ASIC2: variants seen among roughly 807,000 people sequenced by gnomAD.
The protein encoded by ASIC2 is acid sensing ion channel subunit 2, also known as acid-sensing ion channel 2.
A neutral mutation model predicts 57.3 loss-of-function variants in ASIC2; 25 were observed. The ratio of observed to expected loss-of-function variants is 0.44; its 90% CI spans 0.32 to 0.61. The LOEUF is 0.61. Among genes scored for constraint, ASIC2 ranks in the 20% least tolerant of loss-of-function variants. The probability of loss-of-function intolerance (pLI) is 0.06; values close to 1 mark genes in which losing one functional copy is unlikely to be tolerated. For synonymous variants in ASIC2, 319 were observed against 307.5 expected, an observed-to-expected ratio of 1.04 and a Z score of -0.39; for missense variants, 641 against 738.1, an observed-to-expected ratio of 0.87 and a Z score of 1.52.
In ASIC2 at chr17:33,128,208, A is replaced by G. The variant is rs1017064522; in HGVS notation, c.709-16141T>C. ...TTGCCAGCACCCTGTGCTCCCCTCC[A>G]TCCTGTCACACTGGACAGTCTGCTC... On this transcript the variant is annotated intron_variant, in intron 1 of 9. Coordinates refer to ENST00000225823, the MANE Select transcript of ASIC2 (RefSeq NM_183377.2). Among the ~76,000 whole-genome samples the G allele has an allele frequency of 3.9e-5, 6 of 152,116 alleles. No homozygotes were observed. In the East Asian group the frequency reaches 5.8e-4, roughly 15 times the overall value.
Position 33,291,423 on chromosome 17 carries a change from C to A in ASIC2, c.693G>T (p.Pro231=), listed in dbSNP as rs745476399. 6.3e-6 allele frequency: 10 copies of A among 1,599,986 alleles called. No individual in the cohort carries two copies. The highest frequency in any genetic ancestry group is 3.4e-6 in the Non-Finnish European group (4 of 1,172,958). ...SCKYRGELCG[P]HNFSSVFTKY... ...GGCAACTCACGGAGGAGAAGTTGTG[C>A]GGCCCGCAGAGCTCGCCGCGGTACT... Residue 231 remains proline (P), a synonymous_variant, in exon 1 of 10, where the codon CCG becomes CCT. Coordinates refer to ENST00000225823, the MANE Select transcript of ASIC2 (RefSeq NM_183377.2).
chr17:33,221,098 G>T (rs1274773073), intron 1 of ASIC2, among the ~76,000 whole-genome samples: 1 of 151,956 alleles, frequency 6.6e-6, no homozygotes, highest in African/African-American at 2.4e-5. Flanking sequence ...GTAAAATAAA[G>T]AATGCCAGGT....
intron 1 of ASIC2, among the ~76,000 whole-genome samples, chr17:33,950,553 A>C (rs1904526590): frequency 6.6e-6 from 1 of 152,202 alleles, no homozygotes; most frequent in African/African-American, 2.4e-5. Context: ...ATGGGGCAGC[A>C]ATGAGTGGGG....
intron 1 of ASIC2, among the ~76,000 whole-genome samples, chr17:34,066,283 C>T (rs1219064936): frequency 6.6e-6 from 1 of 152,178 alleles, no homozygotes; most frequent in South Asian, 2.1e-4. Flanking sequence ...TTAATTAAGT[C>T]GTTCATCTCT....
intron 1 of ASIC2, among the ~76,000 whole-genome samples, chr17:33,156,401 G>A (rs988895132): frequency 2.6e-5 from 4 of 151,922 alleles, no homozygotes; most frequent in African/African-American, 9.7e-5. Context: ...GCTAGGATTA[G>A]GCATGAGTCA....
chr17:34,116,065 G>A (rs1242455343), intron 1 of ASIC2, among the ~76,000 whole-genome samples: 1 of 152,184 alleles, frequency 6.6e-6, no homozygotes, highest in African/African-American at 2.4e-5. Flanking sequence ...CTTGGTGTGA[G>A]AGAGTGTTGA....
chr17:33,354,713 C>T (rs879765620), intron 1 of ASIC2, among the ~76,000 whole-genome samples: 3 of 152,144 alleles, frequency 2.0e-5, no homozygotes, highest in African/African-American at 2.4e-5. Flanking sequence ...CCAGTCTCAA[C>T]TCAACATCAC....
rs1239386126 is a variant in ASIC2, at chr17:33,292,479, C to T, written c.-364G>A. ...CTCCAGTCCCTGGGTGCTGCGCCCG[C>T]CTTCCCTCGTCCTGGACCTCGGGGG... On this transcript the variant is annotated 5_prime_UTR_variant, in exon 1 of 10. Transcript: ENST00000225823. The T allele has an allele frequency of 5.1e-6, 5 of 985,588 alleles. No homozygotes were observed. The highest frequency in any genetic ancestry group is 9.4e-5 in the South Asian group (2 of 21,296). The allele number at this position is 985,588 out of a possible 1,614,324, so 61.1% of individuals were successfully genotyped here. A position where few individuals can be genotyped will look rare whatever the true frequency, so the allele number is the denominator to read the frequency against.
intron 1 of ASIC2, among the ~76,000 whole-genome samples, chr17:33,150,501 T>A (rs994423966): frequency 5.9e-5 from 9 of 152,324 alleles, no homozygotes; most frequent in African/African-American, 2.2e-4. Flanking sequence ...CTACTAATAA[T>A]CACTTATTCC....
Position 33,358,669 on chromosome 17 carries a change from C to A in ASIC2, c.556-246602G>T, listed in dbSNP as rs554229744. On this transcript the variant is annotated intron_variant, in intron 1 of 9. Coordinates refer to the ASIC2 transcript ENST00000359872. The stretch of plus-strand genomic sequence containing the variant: ...ATCTCTAATTACTGTATAAGAATGT[C>A]ACATGTTATTTCACAGGGACTTTTG... Among the ~76,000 whole-genome samples the A allele has an allele frequency of 9.9e-5, 15 of 152,262 alleles. No homozygotes were observed. In the South Asian group the frequency reaches 2.7e-3, roughly 27 times the overall value.
intron 1 of ASIC2, among the ~76,000 whole-genome samples, chr17:33,489,364 G>C (rs890606893): frequency 6.6e-6 from 1 of 152,216 alleles, no homozygotes; most frequent in Non-Finnish European, 1.5e-5. Context: ...AAGTGAAGGG[G>C]TATGTCCATA....
chr17:33,664,456 A>G (rs1484822358), intron 1 of ASIC2, among the ~76,000 whole-genome samples: 1 of 152,232 alleles, frequency 6.6e-6, no homozygotes. Flanking sequence ...TAGTTTCCAA[A>G]GTGGAGTATA....
chr17:34,002,459 A>T (rs1222191436), intron 1 of ASIC2: 1 of 152,304 alleles, frequency 6.6e-6, no homozygotes, highest in Non-Finnish European at 1.5e-5. Context: ...TTTCCTCAGC[A>T]ACATCAACAG....
At chr17:34,099,738 GA>G (rs1244079046) in intron 1 of ASIC2, among the ~76,000 whole-genome samples, 40 of 506 alleles carry the variant, frequency 0.079, no homozygotes, top group Admixed American at 0.33. Context: ...AAGAAGGAAA[GA>G]AAGAAAGAAA....
chr17:33,237,402 G>A (rs1453676552), intron 1 of ASIC2, among the ~76,000 whole-genome samples: 1 of 151,704 alleles, frequency 6.6e-6, no homozygotes, highest in Non-Finnish European at 1.5e-5. Flanking sequence ...CCAGGCTGGA[G>A]TGCAATGGCA....
At chr17:33,468,601 T>C (rs1431185852) in intron 1 of ASIC2, among the ~76,000 whole-genome samples, 1 of 152,052 alleles carries the variant, frequency 6.6e-6, no homozygotes, top group African/African-American at 2.4e-5. Context: ...GATGTAACTC[T>C]TCACATATTA....
chr17:33,407,742 T>C (rs1218530556), intron 1 of ASIC2, among the ~76,000 whole-genome samples: 1 of 152,214 alleles, frequency 6.6e-6, no homozygotes, highest in African/African-American at 2.4e-5. Context: ...CTAAATAGAT[T>C]TAATGCAAAA....
intron 1 of ASIC2, among the ~76,000 whole-genome samples, chr17:33,736,990 A>G (rs142988539): frequency 1.0e-3 from 159 of 152,366 alleles, no homozygotes; most frequent in African/African-American, 3.2e-3. Flanking sequence ...AGCATATGCT[A>G]TGATATATTT....
At chr17:33,158,275 T>TTGCA (rs142254319) in intron 1 of ASIC2, among the ~76,000 whole-genome samples, 3 of 151,322 alleles carry the variant, frequency 2.0e-5, no homozygotes, top group Non-Finnish European at 4.4e-5. Flanking sequence ...TCAGCAATAC[T>TTGCA]TGAATGAATG....
Sources: allele counts gnomAD v4.1 joint callset (sites outside exome capture counted in the v4.1 genomes callset), GRCh38; gene constraint gnomAD v4.1.1; transcripts MANE v1.5; gene names NCBI Gene and HGNC (gene_info 2026-07-23, HGNC 2026-07-21).